Variants in CLVS1 observed in about 807,000 individuals in gnomAD.
CLVS1 encodes the protein clavesin-1.
Under a neutral mutation model 33.1 loss-of-function variants are expected in CLVS1, and 10 were observed. The observed-to-expected ratio is 0.30, with a 90% CI of 0.19 to 0.51. CLVS1 has a LOEUF of 0.51. Among genes scored for constraint, CLVS1 ranks in the 20% least tolerant of loss-of-function variants. The pLI is 0.97. For synonymous variants in CLVS1, 163 were observed against 166.1 expected (o/e 0.98, Z 0.14); for missense variants, 343 against 433.4 (o/e 0.79, Z 1.85).
At chr8:61,118,094 G>C (rs555782410) in intron 1 of CLVS1, among the ~76,000 whole-genome samples, 277 of 152,056 alleles carry the variant, frequency 1.8e-3, no homozygotes, top group Non-Finnish European at 3.2e-3. Context: ...TCCTGGTTTA[G>C]TCTTGGGAGA....
At chr8:61,441,048 C>T (rs1175390945) in intron 3 of CLVS1, among the ~76,000 whole-genome samples, 1 of 152,152 alleles carries the variant, frequency 6.6e-6, no homozygotes, top group Non-Finnish European at 1.5e-5. Context: ...ATGACTGTCA[C>T]ACGGTATAAG....
rs186103298 is a variant in CLVS1, at chr8:61,476,143, T to A, written c.977+17601T>A. Among the ~76,000 whole-genome samples the A allele has an allele frequency of 1.4e-3, 212 of 152,330 alleles. 1 individual carries two copies. Among genetic ancestry groups the A allele is most frequent in the African/African-American group, 3.8e-3 (157 of 41,574 alleles). The stretch of plus-strand genomic sequence containing the variant: ...ATTATTTCTGAGGGCTCTGTTCTGT[T>A]CCATTGATCTATATCTCTGTTTTGG... On this transcript the variant is annotated intron_variant, in intron 5 of 5. Transcript: ENST00000325897.
chr8:61,159,457 A>G (rs1179280044), intron 2 of CLVS1, among the ~76,000 whole-genome samples: 1 of 152,240 alleles, frequency 6.6e-6, no homozygotes, highest in African/African-American at 2.4e-5. Context: ...AAAACTTTGC[A>G]AAAACTGCTG....
At chr8:61,218,370 G>A (rs1808136416) in intron 2 of CLVS1, among the ~76,000 whole-genome samples, 1 of 152,052 alleles carries the variant, frequency 6.6e-6, no homozygotes. Context: ...AAGGAATGGA[G>A]GAGATTATGT....
intron 2 of CLVS1, among the ~76,000 whole-genome samples, chr8:61,218,113 A>G (rs916077863): frequency 3.3e-5 from 5 of 152,314 alleles, no homozygotes; most frequent in South Asian, 4.1e-4. Context: ...AAAACTACCA[A>G]TAGAAATACC....
intron 1 of CLVS1, among the ~76,000 whole-genome samples, chr8:61,122,007 C>T (rs1038577990): frequency 6.6e-6 from 1 of 152,212 alleles, no homozygotes; most frequent in African/African-American, 2.4e-5. Context: ...TGGCGCATTA[C>T]AATACCTGTA....
chr8:61,177,802 C>CA (rs58292797), intron 2 of CLVS1, among the ~76,000 whole-genome samples: 2,226 of 141,350 alleles, frequency 0.016, 40 homozygotes, highest in African/African-American at 0.048. Flanking sequence ...ACAACAGCAT[C>CA]AAAAAAAAAA....
chr8:61,489,003 C>A (rs1803973215), intron 5 of CLVS1, among the ~76,000 whole-genome samples: 1 of 152,108 alleles, frequency 6.6e-6, no homozygotes, highest in South Asian at 2.1e-4. Flanking sequence ...ATAGATGCTG[C>A]CAGATATTTG....
At chr8:61,242,359 C>A (rs887736862) in intron 2 of CLVS1, among the ~76,000 whole-genome samples, 1 of 152,084 alleles carries the variant, frequency 6.6e-6, no homozygotes, top group African/African-American at 2.4e-5. Flanking sequence ...CCTTCATTTT[C>A]AGATTGAATT....
At chr8:61,248,194 A>G (rs1280867953) in intron 2 of CLVS1, among the ~76,000 whole-genome samples, 2 of 152,126 alleles carry the variant, frequency 1.3e-5, no homozygotes, top group African/African-American at 4.8e-5. Flanking sequence ...GTAGCCTTGT[A>G]GTATAGTTTG....
chr8:61,254,851 C>T (rs1039090653), intron 2 of CLVS1, among the ~76,000 whole-genome samples: 8 of 152,190 alleles, frequency 5.3e-5, no homozygotes, highest in Non-Finnish European at 1.2e-4. Flanking sequence ...GGGAATTCCC[C>T]AACCCCTTGA....
the CLVS1 span, among the ~76,000 whole-genome samples, chr8:60,987,293 G>A: frequency 9.8e-5 from 15 of 152,306 alleles, no homozygotes; most frequent in African/African-American, 3.6e-4. Flanking sequence ...AAATCTTGAA[G>A]GATAAATAGA....
At chr8:61,114,706 T>C (rs1438343323) in intron 1 of CLVS1, among the ~76,000 whole-genome samples, 2 of 152,222 alleles carry the variant, frequency 1.3e-5, no homozygotes, top group African/African-American at 4.8e-5. Flanking sequence ...GAAGAATTCT[T>C]GATATATTAA....
chr8:61,059,497 T>TACACAC lies in CLVS1; in HGVS notation c.-243+2268_-243+2269insCACACA, dbSNP rs1199915866. Among the ~76,000 whole-genome samples the TACACAC allele has an allele frequency of 3.8e-4, 38 of 100,712 alleles. 1 individual carries two copies. The highest frequency in any genetic ancestry group is 1.1e-3 in the African/African-American group (31 of 29,226). The allele number at this position is 100,712 out of a possible 152,430, so 66.1% of individuals were successfully genotyped here. The stretch of plus-strand genomic sequence containing the variant: ...ATACATATATATATATATATATATA[T>TACACAC]ATACACATATCTTGAAAATAGCACG... On this transcript the variant is annotated intron_variant, in intron 1 of 2. Coordinates refer to the CLVS1 transcript ENST00000522621.
At chr8:61,363,972 G>A (rs1026034141) in intron 2 of CLVS1, among the ~76,000 whole-genome samples, 3 of 152,118 alleles carry the variant, frequency 2.0e-5, no homozygotes, top group African/African-American at 7.2e-5. Flanking sequence ...GACACATCTG[G>A]TCCTGCCAAT....
intron 2 of CLVS1, among the ~76,000 whole-genome samples, chr8:61,183,343 A>G (rs1357318158): frequency 1.3e-5 from 2 of 151,848 alleles, no homozygotes; most frequent in African/African-American, 4.8e-5. Flanking sequence ...AAAAAGTAAG[A>G]CTCTTCTATT....
At chr8:61,094,052 A>T (rs1160359501) in intron 1 of CLVS1, among the ~76,000 whole-genome samples, 1 of 152,224 alleles carries the variant, frequency 6.6e-6, no homozygotes, top group Non-Finnish European at 1.5e-5. Flanking sequence ...CACTGTGCAC[A>T]GCCAGGCGCT....
At chr8:61,287,262 T>C (rs1809804235), upstream of CLVS1, among the ~76,000 whole-genome samples, 1 of 151,930 alleles carries the variant, frequency 6.6e-6, no homozygotes, top group Non-Finnish European at 1.5e-5. Context: ...GAGGTTGATA[T>C]TAAAAAAATG....
chr8:61,097,301 TAA>T (rs919533408), intron 1 of CLVS1, among the ~76,000 whole-genome samples: 7 of 151,210 alleles, frequency 4.6e-5, no homozygotes, highest in African/African-American at 1.5e-4. Flanking sequence ...CAAAAAAAAA[TAA>T]AAAAATTAAA....
Sources: allele counts gnomAD v4.1 joint callset (sites outside exome capture counted in the v4.1 genomes callset), GRCh38; gene constraint gnomAD v4.1.1; transcripts MANE v1.5; gene names NCBI Gene and HGNC (gene_info 2026-07-23, HGNC 2026-07-21).